KLHL1: variants seen among roughly 807,000 people sequenced by gnomAD.
KLHL1 encodes kelch like family member 1.
Under a neutral mutation model 77.7 loss-of-function variants are expected in KLHL1, and 47 were observed. The observed-to-expected ratio is 0.60, with a 90% CI of 0.48 to 0.77. KLHL1 has a LOEUF of 0.77. Among genes scored for constraint, KLHL1 ranks in the 30% least tolerant of loss-of-function variants. The pLI is 0.00. For missense variants in KLHL1, 925 were observed against 910.8 expected, an observed-to-expected ratio of 1.02 and a Z score of -0.20; for synonymous variants, 360 against 325.2, an observed-to-expected ratio of 1.11 and a Z score of -1.15.
intron 7 of KLHL1, among the ~76,000 whole-genome samples, chr13:69,778,576 G>T (rs1875954177): frequency 1.3e-5 from 2 of 152,082 alleles, no homozygotes; most frequent in Admixed American, 6.5e-5. Flanking sequence ...GGATTTCAGA[G>T]AAATCATGTT....
chr13:70,088,651 C>T (rs1476480491), intron 1 of KLHL1, among the ~76,000 whole-genome samples: 1 of 151,168 alleles, frequency 6.6e-6, no homozygotes, highest in African/African-American at 2.5e-5. Flanking sequence ...CCACTGCACT[C>T]CAGCCTGGGG....
At chr13:69,801,066 A>T (rs1022308991) in intron 6 of KLHL1, among the ~76,000 whole-genome samples, 3 of 152,202 alleles carry the variant, frequency 2.0e-5, no homozygotes, top group African/African-American at 7.2e-5. Flanking sequence ...ATGACTACCT[A>T]AAGCCCTCGA....
intron 10 of KLHL1, among the ~76,000 whole-genome samples, 161 bp from the exon 11 acceptor site, chr13:69,701,922 T>A (rs1374171110): frequency 6.6e-6 from 1 of 151,814 alleles, no homozygotes; most frequent in Non-Finnish European, 1.5e-5. Context: ...GAAAATGGCA[T>A]TTTAAAAAAG....
At chr13:69,942,385 A>T (rs576921844) in intron 3 of KLHL1, among the ~76,000 whole-genome samples, 2 of 152,052 alleles carry the variant, frequency 1.3e-5, no homozygotes, top group Admixed American at 6.6e-5. Flanking sequence ...TTGAAATTTA[A>T]AAGTATATTA....
intron 7 of KLHL1, among the ~76,000 whole-genome samples, chr13:69,780,731 T>TATATATATATATAC (rs1555267679): frequency 1.3e-5 from 1 of 75,332 alleles, no homozygotes; most frequent in Admixed American, 1.5e-4. Flanking sequence ...TATATATATA[T>TATATATATATATAC]ACATATATAT....
At chr13:69,930,883 G>A (rs964044054) in intron 4 of KLHL1, among the ~76,000 whole-genome samples, 2 of 151,444 alleles carry the variant, frequency 1.3e-5, no homozygotes, top group Non-Finnish European at 3.0e-5. Flanking sequence ...GTAAATTTAT[G>A]CATATATGCG....
intron 1 of KLHL1, among the ~76,000 whole-genome samples, chr13:70,094,092 T>G (rs1054300515): frequency 1.3e-5 from 2 of 152,148 alleles, no homozygotes; most frequent in African/African-American, 4.8e-5. Flanking sequence ...GAAAGTTAGA[T>G]TCTTCAAACA....
intron 4 of KLHL1, among the ~76,000 whole-genome samples, chr13:69,921,695 TCAAAA>T (rs1363943669): frequency 2.0e-5 from 3 of 152,254 alleles, no homozygotes; most frequent in African/African-American, 7.2e-5. Context: ...GTTTATTCAA[TCAAAA>T]CAATATTTTT....
chr13:69,860,438 C>A (rs575904501), intron 5 of KLHL1, among the ~76,000 whole-genome samples: 1 of 151,772 alleles, frequency 6.6e-6, no homozygotes, highest in Non-Finnish European at 1.5e-5. Context: ...GCAAATTTGT[C>A]TGCATGATCT....
intron 1 of KLHL1, among the ~76,000 whole-genome samples, chr13:70,010,361 A>G (rs1056675575): frequency 1.3e-5 from 2 of 152,178 alleles, no homozygotes; most frequent in African/African-American, 4.8e-5. Context: ...TCAGAGAAAG[A>G]AAAGGATTTA....
intron 1 of KLHL1, among the ~76,000 whole-genome samples, chr13:70,052,012 G>C (rs534674142): frequency 8.0e-5 from 12 of 149,924 alleles, no homozygotes; most frequent in Non-Finnish European, 4.4e-5. Context: ...TCTTAAATAC[G>C]AGAAATATTT....
At chr13:70,065,795 T>C (rs146105598) in intron 1 of KLHL1, among the ~76,000 whole-genome samples, 1 of 152,222 alleles carries the variant, frequency 6.6e-6, no homozygotes, top group Non-Finnish European at 1.5e-5. Context: ...AACATCAGTT[T>C]ATGTAAAGGC....
chr13:69,947,654 C>T (rs2210454), intron 3 of KLHL1, among the ~76,000 whole-genome samples: 21,001 of 151,642 alleles, frequency 0.14, 2,391 homozygotes, highest in African/African-American at 0.29. Flanking sequence ...CATTGTTTTT[C>T]TCAAAGAGTT....
chr13:69,913,412 T>C (rs867026303), intron 4 of KLHL1, among the ~76,000 whole-genome samples: 9 of 152,166 alleles, frequency 5.9e-5, no homozygotes, highest in African/African-American at 1.4e-4. Flanking sequence ...GGGAGAGGCA[T>C]GGGGCAGGGT....
At chr13:69,772,946 C>G (rs761532419) in intron 7 of KLHL1, among the ~76,000 whole-genome samples, 2 of 151,812 alleles carry the variant, frequency 1.3e-5, no homozygotes, top group Non-Finnish European at 2.9e-5. Flanking sequence ...AAACAGGTTT[C>G]ATTAAGAGGA....
chr13:69,755,615 T>A lies in KLHL1; in HGVS notation c.1640-15059A>T, dbSNP rs547298202. 2.0e-5 allele frequency among the ~76,000 whole-genome samples: 3 copies of A among 152,156 alleles called. No individual in the cohort carries two copies. In the South Asian group the frequency reaches 6.2e-4, roughly 32 times the overall value. On this transcript the variant is annotated intron_variant, in intron 7 of 10. Transcript: ENST00000377844. ...ATATTATTTTAATGTAACTAATACATCTTTATATTTGAATTCATCTCCAAA... is the reference window on the plus strand; with the variant it reads ...ATATTATTTTAATGTAACTAATACAACTTTATATTTGAATTCATCTCCAAA...
At chr13:69,828,841 G>A (rs1262828808) in intron 6 of KLHL1, among the ~76,000 whole-genome samples, 3 of 149,766 alleles carry the variant, frequency 2.0e-5, no homozygotes, top group Admixed American at 6.7e-5. Flanking sequence ...AATCCCCCTG[G>A]GAAAGTAACT....
intron 4 of KLHL1, among the ~76,000 whole-genome samples, chr13:69,911,343 T>G (rs1388518243): frequency 6.6e-6 from 1 of 152,034 alleles, no homozygotes; most frequent in Non-Finnish European, 1.5e-5. Flanking sequence ...TTTTTTTAAA[T>G]CAAAGAGTGA....
At chr13:70,020,638 TCCCAGGGCACAGATAA>T (rs1885764763) in intron 1 of KLHL1, among the ~76,000 whole-genome samples, 1 of 152,032 alleles carries the variant, frequency 6.6e-6, no homozygotes, top group Non-Finnish European at 1.5e-5. Context: ...TATCTATGAT[TCCCAGGGCACAGATAA>T]CCCAGGTACA....
Sources: allele counts gnomAD v4.1 joint callset (sites outside exome capture counted in the v4.1 genomes callset), GRCh38; gene constraint gnomAD v4.1.1; transcripts MANE v1.5; gene names NCBI Gene and HGNC (gene_info 2026-07-23, HGNC 2026-07-21).